Variants in SCAPER observed in about 807,000 individuals in gnomAD.
SCAPER encodes S-phase cyclin A associated protein in the ER.
Under a neutral mutation model 182.2 loss-of-function variants are expected in SCAPER, and 98 were observed. The ratio of observed to expected loss-of-function variants is 0.54; its 90% CI spans 0.46 to 0.64. The LOEUF (loss-of-function observed/expected upper bound fraction) is 0.64. Among genes scored for constraint, SCAPER ranks in the 30% least tolerant of loss-of-function variants. The pLI, the probability that SCAPER is intolerant of heterozygous loss-of-function variation, is 0.00. For synonymous variants in SCAPER, 605 were observed against 564.6 expected (o/e 1.07, Z -1.01); for missense variants, 1,432 against 1,690.0 (o/e 0.85, Z 2.68).
At chr15:76,776,996 C>T (rs138163996) in intron 8 of SCAPER, among the ~76,000 whole-genome samples, 234 of 151,920 alleles carry the variant, frequency 1.5e-3, no homozygotes, top group African/African-American at 5.5e-3. Context: ...TAAGTGAATC[C>T]CAAATATGAT....
chr15:76,743,740 T>G (rs978554408), intron 15 of SCAPER, among the ~76,000 whole-genome samples: 14 of 152,106 alleles, frequency 9.2e-5, no homozygotes, highest in African/African-American at 3.4e-4. Context: ...TTTGATGCTA[T>G]CCTATCAAAC....
chr15:76,825,041 G>A (rs758613074), intron 5 of SCAPER, among the ~76,000 whole-genome samples: 70 of 152,210 alleles, frequency 4.6e-4, no homozygotes, highest in Middle Eastern at 3.4e-3. Flanking sequence ...AGACAAAAAT[G>A]CTAAGTTATA....
chr15:76,693,418 T>C (rs1285921162), intron 20 of SCAPER, among the ~76,000 whole-genome samples: 2 of 152,064 alleles, frequency 1.3e-5, no homozygotes, highest in Non-Finnish European at 2.9e-5. Flanking sequence ...CTGTGGAAAA[T>C]TGTAGGGCAT....
rs1265427446 is a variant in SCAPER, at chr15:76,879,887, TTACTC to T, written c.6+3920_6+3924del. ...ATTTTAAATCATACACTTAATGTGTTTACTCTGTCTTCCATTAGACAGTAAGTTTC... is the reference window on the plus strand; with the variant it reads ...ATTTTAAATCATACACTTAATGTGTTTGTCTTCCATTAGACAGTAAGTTTC... On this transcript the variant is annotated intron_variant, in intron 2 of 31. Coordinates refer to ENST00000563290, the MANE Select transcript of SCAPER (RefSeq NM_020843.4). 4.6e-5 allele frequency among the ~76,000 whole-genome samples: 7 copies of T among 152,204 alleles called. No individual in the cohort carries two copies. The East Asian group carries it at 1.3e-3, about 29-fold the overall frequency.
intron 2 of SCAPER, among the ~76,000 whole-genome samples, chr15:76,879,100 G>T (rs754837746): frequency 6.6e-6 from 1 of 152,130 alleles, no homozygotes; most frequent in Non-Finnish European, 1.5e-5. Flanking sequence ...GTCTCAACTT[G>T]TACTATTCTT....
intron 5 of SCAPER, among the ~76,000 whole-genome samples, chr15:76,810,553 A>AAAC (rs1568210126): frequency 0.019 from 1,033 of 53,658 alleles, 4 homozygotes; most frequent in Non-Finnish European, 0.034. Flanking sequence ...AAAAAAAACC[A>AAAC]CACACACACA....
chr15:76,606,774 C>T (rs1034779142), intron 22 of SCAPER, among the ~76,000 whole-genome samples: 2 of 151,934 alleles, frequency 1.3e-5, no homozygotes, highest in East Asian at 1.9e-4. Flanking sequence ...TATGTAATGG[C>T]CTTCTTTGTC....
chr15:76,857,387 C>T (rs1337334803), intron 4 of SCAPER, among the ~76,000 whole-genome samples: 1 of 149,792 alleles, frequency 6.7e-6, no homozygotes, highest in Non-Finnish European at 1.5e-5. Flanking sequence ...GAGCCAAGAT[C>T]ACACCACTGC....
chr15:76,609,172 G>C (rs1325464844), intron 22 of SCAPER, among the ~76,000 whole-genome samples: 1 of 152,010 alleles, frequency 6.6e-6, no homozygotes, highest in Admixed American at 6.6e-5. Context: ...GCTCCTCCCT[G>C]GCATTTCTTT....
chr15:76,466,419 CTTTTTTTTTT>C, intron 25 of SCAPER, among the ~76,000 whole-genome samples: 5 of 37,394 alleles, frequency 1.3e-4, no homozygotes, highest in Admixed American at 4.8e-4. Context: ...GTTGGTTCTT[CTTTTTTTTTT>C]TTTTTTTTTT....
At chr15:76,697,475 T>G (rs929212316) in intron 20 of SCAPER, among the ~76,000 whole-genome samples, 1 of 152,198 alleles carries the variant, frequency 6.6e-6, no homozygotes, top group Non-Finnish European at 1.5e-5. Flanking sequence ...ACATTTTTCT[T>G]CCGAAGTGCG....
intron 5 of SCAPER, among the ~76,000 whole-genome samples, chr15:76,820,483 G>A (rs1026189649): frequency 1.4e-3 from 206 of 151,128 alleles, no homozygotes; most frequent in Middle Eastern, 3.4e-3. Flanking sequence ...GCAAACTATC[G>A]CAAGGACAAA....
chr15:76,547,275 T>C (rs905168753), intron 23 of SCAPER, among the ~76,000 whole-genome samples: 16 of 152,312 alleles, frequency 1.1e-4, no homozygotes, highest in African/African-American at 3.8e-4. Flanking sequence ...AGACCTCTGA[T>C]TATTAATGAG....
intron 10 of SCAPER, among the ~76,000 whole-genome samples, chr15:76,768,137 G>T (rs774276077): frequency 2.0e-5 from 3 of 152,164 alleles, no homozygotes; most frequent in Admixed American, 6.5e-5. Flanking sequence ...TTGGAAAGCA[G>T]TCTGACAGTT....
intron 5 of SCAPER, among the ~76,000 whole-genome samples, chr15:76,832,543 G>A (rs1274163469): frequency 6.6e-6 from 1 of 152,200 alleles, no homozygotes; most frequent in Non-Finnish European, 1.5e-5. Flanking sequence ...CAGGCAATTT[G>A]GAAAACATAT....
chr15:76,421,903 G>A (rs573131368), intron 26 of SCAPER, among the ~76,000 whole-genome samples: 3 of 152,190 alleles, frequency 2.0e-5, no homozygotes, highest in Admixed American at 1.3e-4. Context: ...GCTTGTTTTT[G>A]TCAGGTTTGT....
At position 76,347,992 on chromosome 15, in the gene SCAPER, T is replaced by G. The variant is rs932406914; in HGVS notation, c.*641A>C. 1 of 152,242 alleles carries G rather than the reference T, an allele frequency of 6.6e-6. No individual in the cohort carries two copies. The highest frequency in any genetic ancestry group is 2.4e-5 in the African/African-American group (1 of 41,454). 9.4% of individuals were successfully genotyped at this position (152,242 alleles called of 1,614,324 possible). A position where few individuals can be genotyped will look rare whatever the true frequency, so the allele number is the denominator to read the frequency against. ...AGGGTGATTCACTAGGACACATCTT[T>G]TTTATCACTAATTTTTCCTTAGGAG... On this transcript the variant is annotated 3_prime_UTR_variant, in exon 32 of 32. Transcript: ENST00000563290.
intron 22 of SCAPER, among the ~76,000 whole-genome samples, chr15:76,607,535 CTG>C (rs1331963116): frequency 6.6e-6 from 1 of 152,134 alleles, no homozygotes; most frequent in Non-Finnish European, 1.5e-5. Context: ...GTGGCATTCT[CTG>C]TATTTCCTGG....
At chr15:76,721,981 G>A (rs1465406123) in intron 17 of SCAPER, among the ~76,000 whole-genome samples, 1 of 152,176 alleles carries the variant, frequency 6.6e-6, no homozygotes, top group African/African-American at 2.4e-5. Flanking sequence ...GGAGTGGTGA[G>A]AGAGGGCATC....
Sources: gnomAD v4.1 joint callset for allele counts (sites outside exome capture counted in the v4.1 genomes callset) on GRCh38, gnomAD v4.1.1 for gene constraint, MANE v1.5 for transcripts, NCBI Gene and HGNC (gene_info 2026-07-23, HGNC 2026-07-21) for gene names.